Variants in GRK5 observed in about 807,000 individuals in gnomAD.
The protein encoded by GRK5 is G protein-coupled receptor kinase 5, also known as g protein-coupled receptor kinase GRK5.
Under a neutral mutation model 78.4 loss-of-function variants are expected in GRK5, and 40 were observed. The ratio of observed to expected loss-of-function variants is 0.51; its 90% CI spans 0.40 to 0.66. GRK5 has a LOEUF of 0.66. Among genes scored for constraint, GRK5 ranks in the 30% least tolerant of loss-of-function variants. GRK5 has a pLI of 0.00. For missense variants in GRK5, 598 were observed against 759.9 expected (o/e 0.79, Z 2.50); for synonymous variants, 289 against 296.8 (o/e 0.97, Z 0.27).
intron 4 of GRK5, 30 bp downstream of exon 4, chr10:119,396,802 T>A: frequency 6.4e-7 from 1 of 1,564,688 alleles, no homozygotes; most frequent in South Asian, 1.1e-5. Flanking sequence ...CCACAGCAGG[T>A]GGCACAGGAG....
At chr10:119,352,208 G>A (rs2133799494) in intron 2 of GRK5, among the ~76,000 whole-genome samples, 2 of 152,250 alleles carry the variant, frequency 1.3e-5, no homozygotes, top group South Asian at 4.1e-4. Flanking sequence ...TGTGTCATCA[G>A]GGTCCTAGGC....
intron 3 of GRK5, among the ~76,000 whole-genome samples, chr10:119,396,270 C>T (rs1276655344): frequency 6.6e-6 from 1 of 152,204 alleles, no homozygotes; most frequent in Non-Finnish European, 1.5e-5. Flanking sequence ...GGCAGCTTCT[C>T]GGCAGCCTTC....
chr10:119,382,666 A>T (rs1323503191), intron 3 of GRK5, among the ~76,000 whole-genome samples: 1 of 152,218 alleles, frequency 6.6e-6, no homozygotes, highest in East Asian at 1.9e-4. Flanking sequence ...ATCACAGCTT[A>T]AAAAATTCTT....
chr10:119,318,698 C>T (rs1474783518), intron 1 of GRK5, among the ~76,000 whole-genome samples: 1 of 152,154 alleles, frequency 6.6e-6, no homozygotes, highest in Non-Finnish European at 1.5e-5. Context: ...CAATGCCTTC[C>T]TGGAGCTCAG....
At chr10:119,360,867 C>T (rs557506182) in intron 2 of GRK5, among the ~76,000 whole-genome samples, 1 of 152,310 alleles carries the variant, frequency 6.6e-6, no homozygotes, top group African/African-American at 2.4e-5. Context: ...CTGCCCGAGG[C>T]CCTGAGCGTT....
chr10:119,248,417 G>A (rs1216481712), intron 1 of GRK5, among the ~76,000 whole-genome samples: 2 of 152,178 alleles, frequency 1.3e-5, no homozygotes, highest in African/African-American at 4.8e-5. Flanking sequence ...ACTGGCCCAT[G>A]TGCAGATGAC....
At chr10:119,283,729 G>T (rs1404064621) in intron 1 of GRK5, among the ~76,000 whole-genome samples, 1 of 152,172 alleles carries the variant, frequency 6.6e-6, no homozygotes, top group African/African-American at 2.4e-5. Flanking sequence ...CTGCAGATGG[G>T]ACCATGAGCC....
intron 2 of GRK5, among the ~76,000 whole-genome samples, chr10:119,335,666 G>A (rs892447842): frequency 6.6e-6 from 1 of 152,208 alleles, no homozygotes; most frequent in African/African-American, 2.4e-5. Context: ...CCCAGCCTGC[G>A]CATGTTCTTT....
chr10:119,336,472 A>G lies in GRK5; in HGVS notation c.148+9861A>G, dbSNP rs1011259714. On this transcript the variant is annotated intron_variant, in intron 2 of 15. Transcript: ENST00000392870. This position sits in a 1 kb window ranked among gnomAD's most constrained non-coding sequence, Gnocchi z 4.5. ...TTTTTTAAAAAAAGAATGAATTGGC[A>G]TGTTCTTTGTCTAATTAAAAATCAA... Among the ~76,000 whole-genome samples the G allele has an allele frequency of 6.6e-6, 1 of 152,134 alleles. No individual in the cohort carries two copies. The highest frequency in any genetic ancestry group is 2.4e-5 in the African/African-American group (1 of 41,432).
At chr10:119,402,361 C>T (rs1269181955) in intron 4 of GRK5, among the ~76,000 whole-genome samples, 2 of 152,120 alleles carry the variant, frequency 1.3e-5, no homozygotes, top group African/African-American at 4.8e-5. Context: ...TGAGTGTGTG[C>T]TGGGCTCTGA....
intron 2 of GRK5, among the ~76,000 whole-genome samples, chr10:119,339,934 C>T (rs1295434261): frequency 1.3e-5 from 2 of 152,146 alleles, no homozygotes; most frequent in Non-Finnish European, 2.9e-5. Flanking sequence ...AAGAACAACA[C>T]AAAATTACCC....
At chr10:119,344,092 C>A (rs1230223162) in intron 2 of GRK5, among the ~76,000 whole-genome samples, 1 of 150,444 alleles carries the variant, frequency 6.6e-6, no homozygotes, top group East Asian at 1.9e-4. Context: ...TTTTTTTTGG[C>A]GGGGGGTAAC....
At chr10:119,385,406 G>A (rs1022939720) in intron 3 of GRK5, among the ~76,000 whole-genome samples, 12 of 152,064 alleles carry the variant, frequency 7.9e-5, no homozygotes, top group African/African-American at 2.4e-4. Flanking sequence ...CTGCAAATAC[G>A]GGTGTGCACC....
intron 1 of GRK5, among the ~76,000 whole-genome samples, chr10:119,243,579 T>TTC: frequency 6.6e-6 from 1 of 151,922 alleles, no homozygotes; most frequent in Non-Finnish European, 1.5e-5. Context: ...TTTTTTTTTT[T>TTC]TTTTCTTTCT....
At chr10:119,327,844 A>G (rs985299147) in intron 2 of GRK5, among the ~76,000 whole-genome samples, 3 of 152,000 alleles carry the variant, frequency 2.0e-5, no homozygotes, top group African/African-American at 7.3e-5. Context: ...CGTCCTTAAG[A>G]CCCACCTTCC....
At chr10:119,426,490 C>T (rs773779497) in intron 6 of GRK5, among the ~76,000 whole-genome samples, 1 of 152,058 alleles carries the variant, frequency 6.6e-6, no homozygotes, top group Non-Finnish European at 1.5e-5. Flanking sequence ...GGGTCACTCA[C>T]GACTCTACAC....
Position 119,431,272 on chromosome 10 carries a change from C to A in GRK5, c.598-115C>A. On this transcript the variant is annotated intron_variant, in intron 7 of 15. Transcript: ENST00000392870. The surrounding 1 kb of genome is among the most constrained non-coding windows in gnomAD (Gnocchi z 4.8). ...GGAGCACTCATGAAGCCAGGCAGGG[C>A]CGGCTCTGACCCCATCCATTCTCTA... 8.1e-7 allele frequency: 1 copy of A among 1,241,720 alleles called. No homozygotes were observed. The highest frequency in any genetic ancestry group is 1.1e-6 in the Non-Finnish European group (1 of 909,130). The allele number at this position is 1,241,720 out of a possible 1,614,324, so 76.9% of individuals were successfully genotyped here.
At position 119,455,155 on chromosome 10, in the gene GRK5, G is replaced by A. The variant is rs761134540; in HGVS notation, c.*88G>A. 12 of 1,066,662 alleles carry A rather than the reference G, an allele frequency of 1.1e-5. No homozygotes were observed. The South Asian group carries it at 1.4e-4, about 12-fold the overall frequency. 66.1% of individuals were successfully genotyped at this position (1,066,662 alleles called of 1,614,324 possible). ...AGTAGTGGAGCCCCTGCTCTGGTGG[G>A]GCTGCCAGGGGAGACCCCGGGAGCC... On this transcript the variant is annotated 3_prime_UTR_variant, in exon 16 of 16. Transcript: ENST00000392870.
chr10:119,327,076 A>G (rs1220549952), intron 2 of GRK5, among the ~76,000 whole-genome samples: 1 of 133,926 alleles, frequency 7.5e-6, no homozygotes, highest in East Asian at 2.2e-4. Flanking sequence ...AGGCTTTGGG[A>G]GCTGAGAGTC....
Sources: allele counts gnomAD v4.1 joint callset (sites outside exome capture counted in the v4.1 genomes callset), GRCh38; gene constraint gnomAD v4.1.1; non-coding constraint Gnocchi (gnomAD v3.1); transcripts MANE v1.5; gene names NCBI Gene and HGNC (gene_info 2026-07-23, HGNC 2026-07-21).